PRKAR2B: variants seen among roughly 807,000 people sequenced by gnomAD.
PRKAR2B encodes the protein cAMP-dependent protein kinase type II-beta regulatory subunit.
A neutral mutation model predicts 49.9 loss-of-function variants in PRKAR2B; 14 were observed. The ratio of observed to expected loss-of-function variants is 0.28; its 90% confidence interval spans 0.19 to 0.44. PRKAR2B has a LOEUF of 0.44. Ranked by LOEUF, PRKAR2B falls within the 20% of genes least tolerant of loss-of-function variation. The pLI, the probability that PRKAR2B is intolerant of heterozygous loss-of-function variation, is 1.00. For missense variants in PRKAR2B, 393 were observed against 537.9 expected (o/e 0.73, Z 2.67); for synonymous variants, 196 against 197.7 (o/e 0.99, Z 0.07).
At chr7:107,066,560 A>G (rs1794151287) in intron 1 of PRKAR2B, 1 of 152,028 alleles carries the variant, frequency 6.6e-6, no homozygotes, top group South Asian at 2.1e-4. Context: ...AGGTACATCC[A>G]AAGATGTTTA....
At chr7:107,134,634 G>T (rs375226081) in intron 4 of PRKAR2B, among the ~76,000 whole-genome samples, 1 of 152,060 alleles carries the variant, frequency 6.6e-6, no homozygotes, top group African/African-American at 2.4e-5. Context: ...TACTGGGCTC[G>T]GGTAGACATA....
intron 3 of PRKAR2B, among the ~76,000 whole-genome samples, chr7:107,123,766 A>G (rs913272229): frequency 6.6e-5 from 10 of 152,292 alleles, no homozygotes; most frequent in South Asian, 2.1e-4. Context: ...TGGGGTGTGT[A>G]TTTACCCTAA....
intron 2 of PRKAR2B, among the ~76,000 whole-genome samples, chr7:107,071,434 T>C (rs1211535454): frequency 6.6e-6 from 1 of 152,246 alleles, no homozygotes; most frequent in Non-Finnish European, 1.5e-5. Context: ...TTTTGTAATC[T>C]CAAGGCGTGT....
chr7:107,095,715 G>A lies in PRKAR2B; in HGVS notation c.343+25399G>A, dbSNP rs552932147. ...TTATTGAGAGTTTTTAGCACGAAGG[G>A]CTGTTAAATTTTGTTGAAGGCTTTT... is the stretch of plus-strand genomic sequence containing the variant. On this transcript the variant is annotated intron_variant, in intron 2 of 10. Transcript: ENST00000265717. 9.8e-5 allele frequency among the ~76,000 whole-genome samples: 15 copies of A among 152,288 alleles called. No homozygotes were observed. In the East Asian group the frequency reaches 2.7e-3, roughly 27 times the overall value.
At chr7:107,046,731 T>G (rs1026946170) in intron 1 of PRKAR2B, among the ~76,000 whole-genome samples, 2 of 152,152 alleles carry the variant, frequency 1.3e-5, no homozygotes, top group African/African-American at 4.8e-5. Flanking sequence ...CTAATACTTC[T>G]TTTATGCTCC....
At chr7:107,126,874 G>C (rs1263455004) in intron 3 of PRKAR2B, among the ~76,000 whole-genome samples, 1 of 152,144 alleles carries the variant, frequency 6.6e-6, no homozygotes, top group East Asian at 1.9e-4. Context: ...TCTAGTTTGA[G>C]ATGAATATTG....
At chr7:107,110,512 T>C (rs1418733650) in intron 2 of PRKAR2B, among the ~76,000 whole-genome samples, 1 of 151,534 alleles carries the variant, frequency 6.6e-6, no homozygotes, top group African/African-American at 2.4e-5. Flanking sequence ...CCTTTTCTTC[T>C]GCTTGAAGAG....
At chr7:107,146,196 G>A in intron 5 of PRKAR2B, 112 bp from the exon 6 acceptor site, 1 of 1,079,288 alleles carries the variant, frequency 9.3e-7, no homozygotes, top group East Asian at 2.6e-5. Context: ...TCATCGGAGG[G>A]GATAACAGGC....
intron 6 of PRKAR2B, among the ~76,000 whole-genome samples, chr7:107,148,071 T>A (rs117821117): frequency 0.012 from 1,785 of 152,280 alleles, 14 homozygotes; most frequent in Non-Finnish European, 0.018. Flanking sequence ...CTGAATTGTC[T>A]CAGGAAAAGG....
intron 2 of PRKAR2B, among the ~76,000 whole-genome samples, chr7:107,086,858 A>G (rs1368654879): frequency 6.6e-6 from 1 of 152,196 alleles, no homozygotes; most frequent in East Asian, 1.9e-4. Flanking sequence ...AACTATCCTT[A>G]TATTCCTGGA....
At chr7:107,141,079 A>G (rs3729875) in intron 5 of PRKAR2B, 126 bp downstream of exon 5, 25,800 of 623,240 alleles carry the variant, frequency 0.041, 674 homozygotes, top group African/African-American at 0.065. Context: ...ATTATTACAT[A>G]ATAGGCACTG....
intron 2 of PRKAR2B, among the ~76,000 whole-genome samples, chr7:107,105,116 T>A (rs1795048867): frequency 1.3e-5 from 2 of 152,210 alleles, no homozygotes; most frequent in Admixed American, 1.3e-4. Flanking sequence ...ATTGTTTTTT[T>A]CCGTGGTAAC....
intron 1 of PRKAR2B, among the ~76,000 whole-genome samples, chr7:107,065,313 GGTGTGTGTAT>G (rs1417988986): frequency 6.1e-4 from 80 of 130,394 alleles, no homozygotes; most frequent in African/African-American, 1.7e-3. Context: ...GTTTGCTCGG[GGTGTGTGTAT>G]GTGTGTGTGT....
At chr7:107,064,410 C>T (rs558043347) in intron 1 of PRKAR2B, among the ~76,000 whole-genome samples, 56 of 152,294 alleles carry the variant, frequency 3.7e-4, no homozygotes, top group African/African-American at 1.3e-3. Context: ...GATATTTCGT[C>T]TTACTCTGCC....
chr7:107,046,831 CAT>C (rs113417055), intron 1 of PRKAR2B, among the ~76,000 whole-genome samples: 44 of 148,792 alleles, frequency 3.0e-4, no homozygotes, highest in Admixed American at 3.3e-4. Flanking sequence ...TGGTAAAGAC[CAT>C]ATATATATAT....
chr7:107,100,783 T>C (rs1353977090), intron 2 of PRKAR2B, among the ~76,000 whole-genome samples: 3 of 152,120 alleles, frequency 2.0e-5, no homozygotes, highest in Non-Finnish European at 2.9e-5. Flanking sequence ...CCTAATGAGT[T>C]TTTCATCTCA....
At position 107,151,005 on chromosome 7, in the gene PRKAR2B, A is replaced by G. The variant is rs1795975980; in HGVS notation, c.825A>G (p.Pro275=). The change falls in exon 7 of 11, where the codon CCA becomes CCG. Residue 275 remains proline (P), a synonymous_variant. Coordinates refer to ENST00000265717, the MANE Select transcript of PRKAR2B (RefSeq NM_002736.3). The stretch of plus-strand genomic sequence containing the variant: ...ATGAAAGCTTTATTGAGTCACTGCC[A>G]TTCCTTAAATCTTTGGAGGTAAGTA... ...KMYESFIESL[P]FLKSLEFSER... 2.5e-6 allele frequency: 4 copies of G among 1,579,388 alleles called. No homozygotes were observed. Among genetic ancestry groups the G allele is most frequent in the Non-Finnish European group, 3.4e-6 (4 of 1,161,604 alleles).
intron 2 of PRKAR2B, among the ~76,000 whole-genome samples, chr7:107,098,446 G>A (rs2116809656): frequency 6.6e-6 from 1 of 152,214 alleles, no homozygotes; most frequent in Middle Eastern, 3.4e-3. Flanking sequence ...TCTTTGCAGT[G>A]GGTTCGAACA....
At chr7:107,151,974 GACTT>G (rs1288613610) in intron 7 of PRKAR2B, among the ~76,000 whole-genome samples, 1 of 152,166 alleles carries the variant, frequency 6.6e-6, no homozygotes, top group Non-Finnish European at 1.5e-5. Context: ...TTGAAGGTCA[GACTT>G]ACTTATCCAA....
Sources: gnomAD v4.1 joint callset for allele counts (sites outside exome capture counted in the v4.1 genomes callset) on GRCh38, gnomAD v4.1.1 for gene constraint, MANE v1.5 for transcripts, NCBI Gene and HGNC (gene_info 2026-07-23, HGNC 2026-07-21) for gene names.